Variants in UFD1 observed in about 807,000 individuals in gnomAD.
UFD1 encodes the protein ubiquitin recognition factor in ER associated degradation 1.
In UFD1, 13 loss-of-function variants were observed where a neutral mutation model predicts 45.9. The observed-to-expected ratio is 0.28, with a 90% CI of 0.18 to 0.45. The LOEUF (loss-of-function observed/expected upper bound fraction) is 0.45, where lower values mean the gene tolerates loss of function less well. Among genes scored for constraint, UFD1 ranks in the 20% least tolerant of loss-of-function variants. UFD1 has a pLI of 1.00. For synonymous variants in UFD1, 128 were observed against 139.2 expected (o/e 0.92, Z 0.56); for missense variants, 218 against 389.2 (o/e 0.56, Z 3.70).
At chr22:19,453,908 C>A in intron 11 of UFD1, 5 of 985,436 alleles carry the variant, frequency 5.1e-6, no homozygotes, top group Non-Finnish European at 6.0e-6. Context: ...ACCAGGAGAG[C>A]GATGGGTCTG....
chr22:19,453,228 A>C, intron 11 of UFD1: 1 of 977,312 alleles, frequency 1.0e-6, no homozygotes. Flanking sequence ...AGAATTCCAC[A>C]ATCTACACAG....
chr22:19,468,332 C>G (rs2089818923), intron 4 of UFD1, among the ~76,000 whole-genome samples: 1 of 152,132 alleles, frequency 6.6e-6, no homozygotes, highest in Non-Finnish European at 1.5e-5. Context: ...CCAAGCTGTC[C>G]CACAAGCAAA....
In UFD1 at chr22:19,455,723, C is replaced by T. The variant is rs754488224; in HGVS notation, c.724G>A (p.Val242Ile). 2 of 1,613,984 alleles carry T rather than the reference C, an allele frequency of 1.2e-6. No individual in the cohort carries two copies. Among genetic ancestry groups the T allele is most frequent in the Non-Finnish European group, 1.7e-6 (2 of 1,179,978 alleles). The part of the protein sequence containing the change: ...GNRLDGKKKG[V>I]EPSPSPIKPG... Reference sequence around the variant, plus strand: ...TTGATTGGGGAGGGGCTGGGCTCTACCCCTTTCTTCTTTCCATCCAGTCTA... The same window carrying T: ...TTGATTGGGGAGGGGCTGGGCTCTATCCCTTTCTTCTTTCCATCCAGTCTA... The change falls in exon 10 of 12, where the codon GTA becomes ATA. Residue 242 changes from valine (V) to isoleucine (I), a missense_variant. Transcript: ENST00000263202.
chr22:19,467,396 T>G (rs1403157056), intron 5 of UFD1: 1 of 159,106 alleles, frequency 6.3e-6, no homozygotes, highest in African/African-American at 2.4e-5. Flanking sequence ...ACCTGATACC[T>G]TTGCTTTCTG....
chr22:19,458,101 C>T lies in UFD1; in HGVS notation c.534G>A (p.Lys178=). 3 of 1,614,188 alleles carry T rather than the reference C, an allele frequency of 1.9e-6. No homozygotes were observed. The highest frequency in any genetic ancestry group is 2.5e-6 in the Non-Finnish European group (3 of 1,180,016). ...ELRVMETKPD[K]AVSIIECDMN... ...TGTCACACTCAATGATGGACACTGC[C>T]TTGTCGGGTTTGGTCTCCATCACAC... The change falls in exon 7 of 12, where the codon AAG becomes AAA. Residue 178 remains lysine, a synonymous_variant. Transcript: ENST00000263202.
intron 6 of UFD1, among the ~76,000 whole-genome samples, chr22:19,462,464 G>A (rs1003405848): frequency 2.6e-5 from 4 of 152,094 alleles, no homozygotes; most frequent in Admixed American, 6.5e-5. Context: ...TCAGGAGTTC[G>A]AGACCAGCCT....
intron 6 of UFD1, 82 bp from the exon 7 acceptor site, chr22:19,458,221 T>C: frequency 1.4e-6 from 2 of 1,471,780 alleles, no homozygotes; most frequent in Admixed American, 1.7e-5. Context: ...GTGGCTCTAC[T>C]GGCTCCTGCG....
intron 1 of UFD1, among the ~76,000 whole-genome samples, chr22:19,477,921 CTTT>C (rs1321193543): frequency 1.3e-5 from 2 of 152,090 alleles, no homozygotes; most frequent in African/African-American, 4.8e-5. Context: ...TGTCTTTCTT[CTTT>C]TAAGCAGCAT....
intron 9 of UFD1, 61 bp downstream of exon 9, chr22:19,456,526 A>C: frequency 6.2e-7 from 1 of 1,600,942 alleles, no homozygotes; most frequent in Non-Finnish European, 8.6e-7. Flanking sequence ...ACCTTGAGTG[A>C]GTGCTCTAAT....
At chr22:19,473,992 G>A (rs1294432725) in intron 3 of UFD1, among the ~76,000 whole-genome samples, 1 of 152,194 alleles carries the variant, frequency 6.6e-6, no homozygotes, top group African/African-American at 2.4e-5. Context: ...GGCAATGACT[G>A]CATCCTTGAT....
At chr22:19,473,968 CTT>C (rs1434589086) in intron 3 of UFD1, among the ~76,000 whole-genome samples, 1 of 152,178 alleles carries the variant, frequency 6.6e-6, no homozygotes, top group African/African-American at 2.4e-5. Context: ...CAGAAACACT[CTT>C]TAAGTCTGGA....
At chr22:19,463,404 A>T (rs552006081) in intron 6 of UFD1, among the ~76,000 whole-genome samples, 17 of 152,350 alleles carry the variant, frequency 1.1e-4, no homozygotes, top group Admixed American at 1.0e-3. Context: ...ATTCCATTTT[A>T]AAAAATATCT....
At chr22:19,477,964 A>G (rs756278414) in intron 1 of UFD1, among the ~76,000 whole-genome samples, 1 of 152,244 alleles carries the variant, frequency 6.6e-6, no homozygotes, top group Admixed American at 6.5e-5. Context: ...GGCCAGAACC[A>G]TAACACAGGA....
intron 11 of UFD1, chr22:19,451,681 GTTTAGTA>G: frequency 1.0e-6 from 1 of 985,462 alleles, no homozygotes; most frequent in Non-Finnish European, 1.2e-6. Flanking sequence ...ATAGAGCACT[GTTTAGTA>G]TTTATGTGGT....
chr22:19,461,347 AG>A (rs2089764936), intron 6 of UFD1, among the ~76,000 whole-genome samples: 1 of 152,186 alleles, frequency 6.6e-6, no homozygotes, highest in South Asian at 2.1e-4. Flanking sequence ...CCGCAACCCC[AG>A]TATCTCCTTT....
At chr22:19,479,003 C>CCCCCCCCCCT in intron 1 of UFD1, 80 bp downstream of exon 1, 1 of 1,431,240 alleles carries the variant, frequency 7.0e-7, no homozygotes, top group Non-Finnish European at 9.5e-7. Flanking sequence ...GCCGCCGTCC[C>CCCCCCCCCCT]GCCCCGCCCT....
At chr22:19,479,050 C>T (rs2089923962) in intron 1 of UFD1, 33 bp downstream of exon 1, 2 of 1,607,766 alleles carry the variant, frequency 1.2e-6, no homozygotes, top group East Asian at 4.5e-5. Context: ...CGGGCCAAGG[C>T]CCAGCCCCCG....
At chr22:19,455,917 G>T in intron 9 of UFD1, 149 bp from the exon 10 acceptor site, 1 of 722,618 alleles carries the variant, frequency 1.4e-6, no homozygotes, top group Non-Finnish European at 2.4e-6. Context: ...CTGGGGTGCT[G>T]GCAGCTAAGA....
intron 11 of UFD1, 58 bp from the exon 12 acceptor site, chr22:19,450,802 C>T (rs2146282985): frequency 2.5e-6 from 4 of 1,612,712 alleles, no homozygotes; most frequent in African/African-American, 2.7e-5. Context: ...ACAATAAATG[C>T]CTTACTCTAT....
Sources: allele counts gnomAD v4.1 joint callset (sites outside exome capture counted in the v4.1 genomes callset), GRCh38; gene constraint gnomAD v4.1.1; transcripts MANE v1.5; gene names NCBI Gene and HGNC (gene_info 2026-07-23, HGNC 2026-07-21).